Variants in ZBTB20 observed in about 807,000 individuals in gnomAD.
ZBTB20 encodes zinc finger and BTB domain-containing protein 20.
In ZBTB20, 9 loss-of-function variants were observed where a neutral mutation model predicts 56.9. That is an observed-to-expected ratio of 0.16 (90% CI 0.10 to 0.28). The LOEUF is 0.28. Ranked by LOEUF, ZBTB20 falls within the 10% of genes least tolerant of loss-of-function variation. ZBTB20 has a pLI of 1.00. For missense variants in ZBTB20, 655 were observed against 1,003.0 expected, an observed-to-expected ratio of 0.65 and a Z score of 4.69; for synonymous variants, 417 against 420.7, an observed-to-expected ratio of 0.99 and a Z score of 0.11.
At chr3:114,798,558 C>CT (rs1267997358) in intron 5 of ZBTB20, among the ~76,000 whole-genome samples, 1 of 151,774 alleles carries the variant, frequency 6.6e-6, no homozygotes, top group Non-Finnish European at 1.5e-5. Flanking sequence ...TTCAGATAGA[C>CT]TATCACGTCT....
intron 1 of ZBTB20, among the ~76,000 whole-genome samples, chr3:115,119,936 C>G (rs2084132729): frequency 6.6e-6 from 1 of 151,866 alleles, no homozygotes; most frequent in African/African-American, 2.4e-5. Flanking sequence ...AGGCTACATA[C>G]TGTATGATTA....
chr3:114,781,792 A>G (rs577676242), intron 5 of ZBTB20, among the ~76,000 whole-genome samples: 3 of 152,152 alleles, frequency 2.0e-5, no homozygotes, highest in Non-Finnish European at 4.4e-5. Flanking sequence ...GTGGTAGTGA[A>G]TAAGTCTCAT....
intron 5 of ZBTB20, among the ~76,000 whole-genome samples, chr3:114,699,332 T>C (rs897387157): frequency 6.6e-5 from 10 of 152,138 alleles, no homozygotes; most frequent in African/African-American, 2.4e-4. Flanking sequence ...GAAGAGAATA[T>C]GGCTTTTTGT....
intron 3 of ZBTB20, among the ~76,000 whole-genome samples, chr3:114,962,822 C>A: frequency 6.6e-6 from 1 of 152,070 alleles, no homozygotes; most frequent in East Asian, 1.9e-4. Flanking sequence ...AACTGTATTT[C>A]TCCCAAGTCC....
intron 3 of ZBTB20, among the ~76,000 whole-genome samples, chr3:114,944,484 T>C (rs1279262042): frequency 6.9e-6 from 1 of 145,622 alleles, no homozygotes; most frequent in Non-Finnish European, 1.5e-5. Context: ...TCAGGATATA[T>C]ATCCTGAGGA....
chr3:114,680,578 AAGAT>A (rs2061911246), intron 6 of ZBTB20, among the ~76,000 whole-genome samples: 1 of 152,246 alleles, frequency 6.6e-6, no homozygotes, highest in Non-Finnish European at 1.5e-5. Flanking sequence ...TTAGATAAAT[AAGAT>A]AGAGTCATTC....
chr3:114,515,299 T>A (rs1359292964), intron 6 of ZBTB20, among the ~76,000 whole-genome samples: 18 of 152,156 alleles, frequency 1.2e-4, no homozygotes. Flanking sequence ...ACGCCCATGG[T>A]TGTTAACTTT....
intron 5 of ZBTB20, among the ~76,000 whole-genome samples, chr3:114,768,667 G>A (rs570094512): frequency 4.6e-5 from 7 of 152,186 alleles, no homozygotes; most frequent in East Asian, 1.9e-4. Flanking sequence ...ATAATGTTTC[G>A]CATAGTAATT....
intron 4 of ZBTB20, among the ~76,000 whole-genome samples, chr3:114,824,984 T>C (rs1273850588): frequency 1.3e-5 from 2 of 151,926 alleles, no homozygotes; most frequent in Non-Finnish European, 2.9e-5. Flanking sequence ...CATCGCACAT[T>C]TTCTTTAGGA....
intron 5 of ZBTB20, among the ~76,000 whole-genome samples, chr3:114,776,032 CTTT>C (rs11324801): frequency 1.8e-4 from 25 of 135,524 alleles, no homozygotes; most frequent in Non-Finnish European, 2.7e-4. Context: ...AATTTTTTTT[CTTT>C]TTTTTTTTTT....
chr3:114,433,876 T>C (rs1333824421), intron 7 of ZBTB20, among the ~76,000 whole-genome samples: 1 of 152,172 alleles, frequency 6.6e-6, no homozygotes, highest in Non-Finnish European at 1.5e-5. Flanking sequence ...GAAGGATCTG[T>C]ACAACTTTAA....
intron 5 of ZBTB20, among the ~76,000 whole-genome samples, chr3:114,721,107 G>A (rs2064877550): frequency 6.6e-6 from 1 of 152,150 alleles, no homozygotes; most frequent in Non-Finnish European, 1.5e-5. Flanking sequence ...AATTGTAATA[G>A]GAAACAATGC....
At chr3:114,444,231 A>G (rs2091117744) in intron 7 of ZBTB20, among the ~76,000 whole-genome samples, 1 of 152,180 alleles carries the variant, frequency 6.6e-6, no homozygotes, top group Admixed American at 6.5e-5. Flanking sequence ...TCTTCTGACT[A>G]CAATTTCTCA....
chr3:114,449,554 AACAAC>A (rs2091472148), intron 7 of ZBTB20, among the ~76,000 whole-genome samples: 1 of 152,050 alleles, frequency 6.6e-6, no homozygotes, highest in Non-Finnish European at 1.5e-5. Flanking sequence ...TAGCGATGAC[AACAAC>A]AAAACAAAAC....
intron 7 of ZBTB20, among the ~76,000 whole-genome samples, chr3:114,406,911 A>G (rs2087387343): frequency 6.6e-6 from 1 of 152,222 alleles, no homozygotes; most frequent in Admixed American, 6.5e-5. Flanking sequence ...ACTTTTACAT[A>G]TCTTTGTTTT....
At chr3:114,497,472 C>T (rs998872189) in intron 7 of ZBTB20, among the ~76,000 whole-genome samples, 4 of 152,182 alleles carry the variant, frequency 2.6e-5, no homozygotes, top group South Asian at 4.2e-4. Context: ...TGCTACTTAA[C>T]GCCTCCTGAT....
intron 3 of ZBTB20, among the ~76,000 whole-genome samples, chr3:114,907,113 C>T (rs2075348662): frequency 6.6e-6 from 1 of 151,720 alleles, no homozygotes; most frequent in Admixed American, 6.6e-5. Flanking sequence ...TTATTATTTA[C>T]TATAATAAAG....
intron 3 of ZBTB20, among the ~76,000 whole-genome samples, chr3:114,922,282 C>T (rs1488068994): frequency 6.6e-6 from 1 of 152,048 alleles, no homozygotes; most frequent in East Asian, 1.9e-4. Context: ...AAAAAGCATA[C>T]TCACTCTCAC....
At chr3:114,877,054 C>T (rs114030624) in intron 4 of ZBTB20, among the ~76,000 whole-genome samples, 3 of 152,328 alleles carry the variant, frequency 2.0e-5, no homozygotes, top group African/African-American at 7.2e-5. Context: ...ACCTTTGTTA[C>T]AGTTGGCTTA....
Sources: allele counts gnomAD v4.1 joint callset (sites outside exome capture counted in the v4.1 genomes callset), GRCh38; gene constraint gnomAD v4.1.1; transcripts MANE v1.5; gene names NCBI Gene and HGNC (gene_info 2026-07-23, HGNC 2026-07-21).